CACNB3: variants seen among roughly 807,000 people sequenced by gnomAD.
The protein encoded by CACNB3 is voltage-dependent L-type calcium channel subunit beta-3.
CACNB3 carries 36 observed loss-of-function variants against 63.7 expected under a neutral mutation model. The observed-to-expected ratio is 0.57, with a 90% CI of 0.43 to 0.75. The LOEUF is 0.75. CACNB3 is among the 30% of genes least tolerant of loss of function. The probability of loss-of-function intolerance (pLI) is 0.00; values close to 1 mark genes in which losing one functional copy is unlikely to be tolerated. For missense variants in CACNB3, 493 were observed against 648.6 expected (o/e 0.76, Z 2.61); for synonymous variants, 241 against 250.6 (o/e 0.96, Z 0.36).
rs531589814 is a variant in CACNB3, at chr12:48,823,780, A to G, written c.268A>G (p.Lys90Glu). The change falls in exon 3 of 13, where the codon AAA becomes GAA. Residue 90 changes from lysine (K) to glutamate (E), a missense_variant. Lys to Glu is a moderately conservative substitution (Grantham distance 56, BLOSUM62 1). Coordinates refer to ENST00000301050, the MANE Select transcript of CACNB3 (RefSeq NM_000725.4). The surrounding 1 kb of genome is among the most constrained non-coding windows in gnomAD (Gnocchi z 4.2). ...GGGCTCTGGAGTCAACTTTGAGGCCAAAGATTTTCTGCACATTAAAGAGGT... is the reference window on the plus strand; with the variant it reads ...GGGCTCTGGAGTCAACTTTGAGGCCGAAGATTTTCTGCACATTAAAGAGGT... ...VQGSGVNFEA[K>E]DFLHIKEKYS... is the part of the protein sequence containing the mutation. The G allele has an allele frequency of 6.2e-7, 1 of 1,614,132 alleles. No individual in the cohort carries two copies. Among genetic ancestry groups the G allele is most frequent in the South Asian group, 1.1e-5 (1 of 91,072 alleles).
intron 1 of CACNB3, among the ~76,000 whole-genome samples, chr12:48,819,324 G>T (rs1937718151): frequency 6.6e-6 from 1 of 152,148 alleles, no homozygotes; most frequent in Non-Finnish European, 1.5e-5. Flanking sequence ...CCAAATTCTG[G>T]ATTTCTGGGG....
Position 48,826,224 on chromosome 12 carries a change from C to A in CACNB3, c.743-143C>A. On this transcript the variant is annotated intron_variant, in intron 9 of 12. Transcript: ENST00000301050. This position sits in a 1 kb window ranked among gnomAD's most constrained non-coding sequence, Gnocchi z 4.8. ...AAGAACACACCCCTCCTCCTCAATT[C>A]CCATTCCTCTGCCTGTCCAGGCTTC... is the stretch of plus-strand genomic sequence containing the variant. 1.3e-6 allele frequency: 1 copy of A among 769,392 alleles called. No homozygotes were observed. The highest frequency in any genetic ancestry group is 2.1e-6 in the Non-Finnish European group (1 of 472,904). 47.7% of individuals were successfully genotyped at this position (769,392 alleles called of 1,614,324 possible). A position where few individuals can be genotyped will look rare whatever the true frequency, so the allele number is the denominator to read the frequency against.
In CACNB3 at chr12:48,818,810, C is replaced by T. The variant is rs991143134; in HGVS notation, c.-120C>T. 7 of 1,368,296 alleles carry T rather than the reference C, an allele frequency of 5.1e-6. No homozygotes were observed. Among genetic ancestry groups the T allele is most frequent in the Non-Finnish European group, 6.6e-6 (7 of 1,062,176 alleles). The allele number at this position is 1,368,296 out of a possible 1,614,324, so 84.8% of individuals were successfully genotyped here. On this transcript the variant is annotated 5_prime_UTR_variant, in exon 1 of 13. Transcript: ENST00000301050. This position sits in a 1 kb window ranked among gnomAD's most constrained non-coding sequence, Gnocchi z 4.3. Reference sequence around the variant, plus strand: ...TCCTTCGCGCTCTCTCGCTCCCTGCCGCCGCCCGCAGGGCTGCGGGGCTCG... The same window carrying T: ...TCCTTCGCGCTCTCTCGCTCCCTGCTGCCGCCCGCAGGGCTGCGGGGCTCG...
Position 48,826,863 on chromosome 12 carries a change from C to T in CACNB3, c.990+9C>T, listed in dbSNP as rs1321219298. ...TGGTTCAGTGCCCACCGGTGAGTGC[C>T]TGGGTCAGCTGCTCCTGTGCCCACT... On this transcript the variant is annotated intron_variant, in intron 11 of 12. Coordinates refer to ENST00000301050, the MANE Select transcript of CACNB3 (RefSeq NM_000725.4). This position sits in a 1 kb window ranked among gnomAD's most constrained non-coding sequence, Gnocchi z 4.8. 6.2e-7 allele frequency: 1 copy of T among 1,613,194 alleles called. No homozygotes were observed. Among genetic ancestry groups the T allele is most frequent in the South Asian group, 1.1e-5 (1 of 91,060 alleles).
At position 48,827,100 on chromosome 12, in the gene CACNB3, C is replaced by T. The variant is rs763596621; in HGVS notation, c.1117C>T (p.Pro373Ser). 1.2e-6 allele frequency: 2 copies of T among 1,612,720 alleles called. No individual in the cohort carries two copies. Among genetic ancestry groups the T allele is most frequent in the South Asian group, 1.1e-5 (1 of 91,034 alleles). The change falls in exon 12 of 13, where the codon CCC becomes TCC. Residue 373 changes from proline (P) to serine (S), a missense_variant. Coordinates refer to ENST00000301050, the MANE Select transcript of CACNB3 (RefSeq NM_000725.4). Reference sequence around the variant, plus strand: ...CCCTGGCCCCGGACTTCTGGGTCCTCCCAGTGCCATCCCCGGACTTCAGGT... The same window carrying T: ...CCCTGGCCCCGGACTTCTGGGTCCTTCCAGTGCCATCCCCGGACTTCAGGT... Reference protein sequence around the residue: ...PAPGPGLLGPPSAIPGLQNQQ... With the variant: ...PAPGPGLLGPSSAIPGLQNQQ...
chr12:48,824,045 G>C, intron 3 of CACNB3: 1 of 664,960 alleles, frequency 1.5e-6, no homozygotes, highest in Non-Finnish European at 2.5e-6. Context: ...AGCTGCCTCC[G>C]AGGTCCCCTG....
rs1393636650 is a variant in CACNB3 at position 48,828,934 on chromosome 12, G to A, written c.*1035G>A. 8.5e-6 allele frequency: 3 copies of A among 352,152 alleles called. No individual in the cohort carries two copies. The highest frequency in any genetic ancestry group is 1.7e-5 in the Non-Finnish European group (3 of 177,098). The allele number at this position is 352,152 out of a possible 1,614,324, so 21.8% of individuals were successfully genotyped here. ...CACTGTCATCACTAATAAACATCAT[G>A]CACAGTCCCTCCGGCTTCTGTTCTG... On this transcript the variant is annotated 3_prime_UTR_variant, in exon 13 of 13. Transcript: ENST00000301050.
At chr12:48,816,276 A>G (rs1942286353), upstream of CACNB3, among the ~76,000 whole-genome samples, 1 of 152,168 alleles carries the variant, frequency 6.6e-6, no homozygotes, top group African/African-American at 2.4e-5. Context: ...CTGATTATTC[A>G]GGCTTTTCCT....
Position 48,826,809 on chromosome 12 carries a change from G to T in CACNB3, c.945G>T (p.Leu315=). The part of the protein sequence containing the change: ...RSRGKSQMKH[L]TVQMMAYDKL... ...GGGGGAAGTCACAGATGAAGCACCT[G>T]ACCGTACAGATGATGGCATATGATA... is the stretch of plus-strand genomic sequence containing the variant. Residue 315 remains leucine, a synonymous_variant, in exon 11 of 13, where the codon CTG becomes CTT. Transcript: ENST00000301050. This position sits in a 1 kb window ranked among gnomAD's most constrained non-coding sequence, Gnocchi z 4.8. 6.2e-7 allele frequency: 1 copy of T among 1,614,174 alleles called. No individual in the cohort carries two copies. The highest frequency in any genetic ancestry group is 1.1e-5 in the South Asian group (1 of 91,060).
In CACNB3 at chr12:48,819,689, G is replaced by C. The variant is rs1388979305; in HGVS notation, c.45+715G>C. The C allele has an allele frequency of 6.6e-6, 3 of 455,768 alleles. No homozygotes were observed. The Admixed American group carries it at 7.1e-5, about 11-fold the overall frequency. The allele number at this position is 455,768 out of a possible 1,614,324, so 28.2% of individuals were successfully genotyped here. A position where few individuals can be genotyped will look rare whatever the true frequency, so the allele number is the denominator to read the frequency against. On this transcript the variant is annotated intron_variant, in intron 1 of 12. Transcript: ENST00000301050. ...GCATCCTGAGCTCTTGCCCAGCATGGAGGGCCTGGAGGTGAGGCCAGAGGA... is the reference window on the plus strand; with the variant it reads ...GCATCCTGAGCTCTTGCCCAGCATGCAGGGCCTGGAGGTGAGGCCAGAGGA...
chr12:48,818,700 G>C lies in CACNB3; in HGVS notation c.-230G>C. On this transcript the variant is annotated 5_prime_UTR_variant, in exon 1 of 13. Coordinates refer to ENST00000301050, the MANE Select transcript of CACNB3 (RefSeq NM_000725.4). The surrounding 1 kb of genome is among the most constrained non-coding windows in gnomAD (Gnocchi z 4.3). ...GCGCCAGATTCCTCAGCCGCGCTCG[G>C]GGTGGGACCGGCTGGGTTTGGGGGG... 1 of 1,266,592 alleles carries C rather than the reference G, an allele frequency of 7.9e-7. No homozygotes were observed. Among genetic ancestry groups the C allele is most frequent in the Non-Finnish European group, 9.9e-7 (1 of 1,007,356 alleles). The allele number at this position is 1,266,592 out of a possible 1,614,324, so 78.5% of individuals were successfully genotyped here. A position where few individuals can be genotyped will look rare whatever the true frequency, so the allele number is the denominator to read the frequency against.
Position 48,825,281 on chromosome 12 carries a change from C to T in CACNB3, c.573+38C>T. ...CCTTGACCCCAAAGAGTCACCTCTA[C>T]CAAGCCTGCCACAGGAAGTCCCTAG... On this transcript the variant is annotated intron_variant, in intron 7 of 12. Coordinates refer to ENST00000301050, the MANE Select transcript of CACNB3 (RefSeq NM_000725.4). The surrounding 1 kb of genome is among the most constrained non-coding windows in gnomAD (Gnocchi z 4.5). 6.3e-7 allele frequency: 1 copy of T among 1,595,452 alleles called. No individual in the cohort carries two copies. Among genetic ancestry groups the T allele is most frequent in the Non-Finnish European group, 8.6e-7 (1 of 1,164,592 alleles).
chr12:48,818,396 C>CCGGCGGAGTAGTTCCTGGGTTGCCGAG (rs1942342257), upstream of CACNB3: 1 of 960,574 alleles, frequency 1.0e-6, no homozygotes, highest in African/African-American at 1.8e-5. The surrounding 1 kb of genome is among the most constrained non-coding windows in gnomAD (Gnocchi z 4.3). Context: ...CCTTTGTTTC[C>CCGGCGGAGTAGTTCCTGGGTTGCCGAG]CGGCGGAGTA....
upstream of CACNB3, chr12:48,816,873 A>G: frequency 1.0e-6 from 1 of 985,466 alleles, no homozygotes; most frequent in South Asian, 4.7e-5. Context: ...TCTTCACTAG[A>G]GCCATCTCCC....
rs1458521637 is a variant in CACNB3 at position 48,827,640 on chromosome 12, G to A, written c.1196G>A (p.Ser399Asn). 1.2e-6 allele frequency: 2 copies of A among 1,613,748 alleles called. No homozygotes were observed. Among genetic ancestry groups the A allele is most frequent in the East Asian group, 4.5e-5 (2 of 44,868 alleles). Reference protein sequence around the residue: ...GEEHSPLERDSLMPSDEASES... With the variant: ...GEEHSPLERDNLMPSDEASES... ...GAGCACTCCCCCCTTGAGCGGGACA[G>A]CTTGATGCCCTCTGATGAGGCCAGC... The change falls in exon 13 of 13, where the codon AGC (serine) becomes AAC (asparagine). Residue 399 changes from serine (S) to asparagine (N), a missense_variant. By Grantham distance (46) the Ser-to-Asn change is conservative (BLOSUM62 1). Transcript: ENST00000301050.
Position 48,828,286 on chromosome 12 carries a change from A to T in CACNB3, c.*387A>T. 1 of 320,430 alleles carries T rather than the reference A, an allele frequency of 3.1e-6. No individual in the cohort carries two copies. Among genetic ancestry groups the T allele is most frequent in the South Asian group, 3.2e-5 (1 of 30,882 alleles). 19.8% of individuals were successfully genotyped at this position (320,430 alleles called of 1,614,324 possible). On this transcript the variant is annotated 3_prime_UTR_variant, in exon 13 of 13. Coordinates refer to ENST00000301050, the MANE Select transcript of CACNB3 (RefSeq NM_000725.4). ...AGTGACAAAAGGGTGGGGTGTGGGC[A>T]CCATGGCATGAGGAAGAAACAAGGT...
rs1938272232 is a variant in CACNB3, at chr12:48,828,548, C to T, written c.*649C>T. 1.0e-5 allele frequency: 4 copies of T among 398,104 alleles called. No individual in the cohort carries two copies. In the Admixed American group the frequency reaches 1.1e-4, roughly 11 times the overall value. 24.7% of individuals were successfully genotyped at this position (398,104 alleles called of 1,614,324 possible). ...GAGGGAAGGGCTCTCCTCACCCTGC[C>T]AGGAAGCTTCTTAACATGTGACAGG... is the stretch of plus-strand genomic sequence containing the variant. On this transcript the variant is annotated 3_prime_UTR_variant, in exon 13 of 13. Transcript: ENST00000301050.
intron 1 of CACNB3, among the ~76,000 whole-genome samples, chr12:48,821,735 C>T (rs565211574): frequency 6.6e-5 from 10 of 152,324 alleles, no homozygotes; most frequent in African/African-American, 9.6e-5. Context: ...GGAGGTCCCT[C>T]ACCCTGTGCA....
At chr12:48,824,095 C>T (rs780229593) in intron 3 of CACNB3, 163 bp from the exon 4 acceptor site, 10 of 707,594 alleles carry the variant, frequency 1.4e-5, no homozygotes, top group South Asian at 3.8e-5. Context: ...CTGGGTGGCC[C>T]GAACTTGGCT....
Sources: gnomAD v4.1 joint callset for allele counts (sites outside exome capture counted in the v4.1 genomes callset) on GRCh38, gnomAD v4.1.1 for gene constraint, Gnocchi (gnomAD v3.1) non-coding constraint, MANE v1.5 for transcripts, NCBI Gene and HGNC (gene_info 2026-07-23, HGNC 2026-07-21) for gene names.